The following SCN8A variants were observed in gnomAD, a reference collection of about 807,000 sequenced individuals.
SCN8A encodes sodium voltage-gated channel alpha subunit 8, also known as sodium channel protein type 8 subunit alpha.
Under a neutral mutation model 184.1 loss-of-function variants are expected in SCN8A, and 30 were observed. The observed-to-expected ratio is 0.16, with a 90% confidence interval of 0.12 to 0.22. The LOEUF (loss-of-function observed/expected upper bound fraction) is 0.22, where lower values mean the gene tolerates loss of function less well. SCN8A is among the 10% of genes least tolerant of loss of function. The probability of loss-of-function intolerance (pLI) is 1.00; values close to 1 mark genes in which losing one functional copy is unlikely to be tolerated. For synonymous variants in SCN8A, 852 were observed against 907.0 expected, an observed-to-expected ratio of 0.94 and a Z score of 1.09; for missense variants, 1,057 against 2,498.9, an observed-to-expected ratio of 0.42 and a Z score of 12.30.
intron 1 of SCN8A, among the ~76,000 whole-genome samples, chr12:51,634,653 A>ATTTTTTTTTTTTTT (rs1269981442): frequency 1.6e-5 from 1 of 62,504 alleles, no homozygotes; most frequent in African/African-American, 4.8e-5. Context: ...TATTATTATT[A>ATTTTTTTTTTTTTT]TTATTTTTTT....
chr12:51,616,834 A>G (rs1001466494), intron 1 of SCN8A, among the ~76,000 whole-genome samples: 2 of 151,634 alleles, frequency 1.3e-5, no homozygotes, highest in Non-Finnish European at 2.9e-5. Flanking sequence ...TGGGAGGATC[A>G]CTTGAGCCTG....
At chr12:51,677,444 A>T (rs928752228) in intron 2 of SCN8A, among the ~76,000 whole-genome samples, 1 of 151,606 alleles carries the variant, frequency 6.6e-6, no homozygotes, top group Non-Finnish European at 1.5e-5. Context: ...CAGTCTTGGG[A>T]TGGGGTGGAG....
intron 1 of SCN8A, among the ~76,000 whole-genome samples, chr12:51,660,698 G>A (rs911584915): frequency 6.6e-6 from 1 of 152,174 alleles, no homozygotes; most frequent in Admixed American, 6.5e-5. Flanking sequence ...CTGTTAAGTG[G>A]TGATAATAAT....
intron 1 of SCN8A, among the ~76,000 whole-genome samples, chr12:51,622,762 C>G (rs530778640): frequency 2.0e-5 from 3 of 152,222 alleles, no homozygotes; most frequent in African/African-American, 7.2e-5. Flanking sequence ...GTCACCAAGT[C>G]CAGCCCACGC....
chr12:51,790,400 C>G lies in SCN8A; in HGVS notation c.4422C>G (p.Phe1474Leu). The stretch of plus-strand genomic sequence containing the variant: ...TGTTTTCTTCTTCCCTCCTTTACTT[C>G]GGAGGTCAGGACATCTTCATGACCG... ...IDNFNQQKKKFGGQDIFMTEE... is the reference protein window; with the variant it reads ...IDNFNQQKKKLGGQDIFMTEE... The change falls in exon 25 of 27, where the codon TTC (phenylalanine) becomes TTG (leucine). Residue 1474 changes from phenylalanine (F) to leucine (L), a missense_variant and splice_region_variant. Around this residue, in one of 19 missense-constraint regions of SCN8A, gnomAD observed 37 missense variants for 216.1 expected, o/e 0.17. Coordinates refer to ENST00000627620, the MANE Select transcript of SCN8A (RefSeq NM_001330260.2). The G allele has an allele frequency of 6.2e-7, 1 of 1,602,578 alleles. No homozygotes were observed. Among genetic ancestry groups the G allele is most frequent in the Non-Finnish European group, 8.5e-7 (1 of 1,173,648 alleles).
intron 13 of SCN8A, among the ~76,000 whole-genome samples, chr12:51,748,782 G>A (rs751193605): frequency 1.3e-5 from 2 of 152,148 alleles, no homozygotes; most frequent in African/African-American, 4.8e-5. Context: ...CTGTGTGGCA[G>A]TAACCTTAGT....
chr12:51,684,410 GC>G, intron 3 of SCN8A, 118 bp downstream of exon 3: 1 of 694,456 alleles, frequency 1.4e-6, no homozygotes, highest in Non-Finnish European at 2.6e-6. Flanking sequence ...TAGTTAACTA[GC>G]CCATCAGTCA....
intron 1 of SCN8A, among the ~76,000 whole-genome samples, chr12:51,628,271 G>T (rs9668931): frequency 1 from 152,299 of 152,356 alleles, 76,121 homozygotes; most frequent in Non-Finnish European, 1. Flanking sequence ...TTTACATTTA[G>T]CATAGACAAG....
chr12:51,611,263 G>A (rs1350752081), intron 1 of SCN8A, among the ~76,000 whole-genome samples: 2 of 149,974 alleles, frequency 1.3e-5, no homozygotes, highest in Admixed American at 6.7e-5. Flanking sequence ...CCAGGTTCAC[G>A]CCATTCTCCT....
chr12:51,737,276 TCTA>T (rs1287308417), intron 12 of SCN8A, among the ~76,000 whole-genome samples: 1 of 152,230 alleles, frequency 6.6e-6, no homozygotes, highest in Non-Finnish European at 1.5e-5. Context: ...AAAAAGCCAC[TCTA>T]CTAAGTCCTG....
At chr12:51,597,959 G>A (rs1939384416) in intron 1 of SCN8A, among the ~76,000 whole-genome samples, 1 of 151,958 alleles carries the variant, frequency 6.6e-6, no homozygotes, top group African/African-American at 2.4e-5. Context: ...TTAAATTGCA[G>A]GAAAAAAATC....
At chr12:51,801,281 AT>A (rs1238836266) in intron 26 of SCN8A, among the ~76,000 whole-genome samples, 2 of 152,146 alleles carry the variant, frequency 1.3e-5, no homozygotes, top group Admixed American at 6.5e-5. Flanking sequence ...TTGCATTTAA[AT>A]TATCCAGTTA....
chr12:51,773,863 G>A (rs905195503), intron 19 of SCN8A, among the ~76,000 whole-genome samples: 6 of 152,110 alleles, frequency 3.9e-5, no homozygotes, highest in Admixed American at 3.9e-4. Flanking sequence ...AGGGCTAGGG[G>A]GTTGGGGGTT....
Position 51,721,768 on chromosome 12 carries a change from T to C in SCN8A, c.1858T>C (p.Tyr620His). Reference protein sequence around the residue: ...RRSSYSGYSGYSQGSRSSRIF... With the variant: ...RRSSYSGYSGHSQGSRSSRIF... ...GAGCAGCTACAGCGGCTACAGCGGC[T>C]ACAGCCAGGGCAGCCGCTCCTCGCG... is the stretch of plus-strand genomic sequence containing the variant. Residue 620 changes from tyrosine (Y) to histidine (H), a missense_variant, in exon 12 of 27, where the codon TAC becomes CAC. By Grantham distance (83) the Tyr-to-His change is moderately conservative. Coordinates refer to ENST00000627620, the MANE Select transcript of SCN8A (RefSeq NM_001330260.2). 1 of 1,610,166 alleles carries C rather than the reference T, an allele frequency of 6.2e-7. No homozygotes were observed. Among genetic ancestry groups the C allele is most frequent in the South Asian group, 1.1e-5 (1 of 90,978 alleles).
intron 14 of SCN8A, among the ~76,000 whole-genome samples, chr12:51,757,063 C>T (rs1405092823): frequency 6.6e-6 from 1 of 152,092 alleles, no homozygotes; most frequent in Non-Finnish European, 1.5e-5. Flanking sequence ...TTTTTAAATA[C>T]TTGTCACATG....
Position 51,807,261 on chromosome 12 carries a change from G to A in SCN8A, c.5775G>A (p.Leu1925=). ...GCAAAAAGACAACTTCTAATAAGCT[G>A]GAGAATGGAGGCACACACCGGGAGA... ...FICKKTTSNK[L]ENGGTHREKK... is the part of the protein sequence containing the mutation. The change falls in exon 27 of 27, where the codon CTG becomes CTA. Residue 1925 remains leucine, a synonymous_variant. Coordinates refer to ENST00000627620, the MANE Select transcript of SCN8A (RefSeq NM_001330260.2). The surrounding 1 kb of genome is among the most constrained non-coding windows in gnomAD (Gnocchi z 4.5). 1 of 1,613,932 alleles carries A rather than the reference G, an allele frequency of 6.2e-7. No individual in the cohort carries two copies. Among genetic ancestry groups the A allele is most frequent in the East Asian group, 2.2e-5 (1 of 44,872 alleles).
chr12:51,749,175 C>T (rs1269752265), intron 13 of SCN8A, among the ~76,000 whole-genome samples: 1 of 152,226 alleles, frequency 6.6e-6, no homozygotes, highest in African/African-American at 2.4e-5. Flanking sequence ...TTTTCTAGCT[C>T]CTGAAGCTCC....
At chr12:51,627,619 A>T (rs770695236) in intron 1 of SCN8A, among the ~76,000 whole-genome samples, 3 of 152,110 alleles carry the variant, frequency 2.0e-5, no homozygotes, top group Non-Finnish European at 4.4e-5. Flanking sequence ...TGACCTCGTG[A>T]TTCCCCCAGC....
chr12:51,769,854 C>G lies in SCN8A; in HGVS notation c.3373-14C>G. ...CTCAGAGCTGCCTGATCTCCCTTTT[C>G]CTTGCGTGTCTAGAAACTAGATGAC... On this transcript the variant is annotated splice_polypyrimidine_tract_variant and intron_variant, in intron 17 of 26. Coordinates refer to ENST00000627620, the MANE Select transcript of SCN8A (RefSeq NM_001330260.2). 2 of 1,555,534 alleles carry G rather than the reference C, an allele frequency of 1.3e-6. No individual in the cohort carries two copies. Among genetic ancestry groups the G allele is most frequent in the Non-Finnish European group, 8.8e-7 (1 of 1,141,514 alleles).
Sources: allele counts gnomAD v4.1 joint callset (sites outside exome capture counted in the v4.1 genomes callset), GRCh38; gene constraint gnomAD v4.1.1; regional missense constraint gnomAD v4.1.1; non-coding constraint Gnocchi (gnomAD v3.1); transcripts MANE v1.5; gene names NCBI Gene and HGNC (gene_info 2026-07-23, HGNC 2026-07-21).